Variants in TNNI3K observed in about 807,000 individuals in gnomAD.
The protein encoded by TNNI3K is TNNI3 interacting kinase, also known as serine/threonine-protein kinase TNNI3K.
Under a neutral mutation model 114.5 loss-of-function variants are expected in TNNI3K, and 140 were observed. That is an observed-to-expected ratio of 1.22 (90% CI 1.07 to 1.41). The LOEUF is 1.41. Ranked by LOEUF, TNNI3K falls within the 40% of genes most tolerant of loss-of-function variation. The probability of loss-of-function intolerance (pLI) is 0.00; values close to 1 mark genes in which losing one functional copy is unlikely to be tolerated. For synonymous variants in TNNI3K, 347 were observed against 347.5 expected (o/e 1.00, Z 0.02); for missense variants, 1,125 against 1,007.6 (o/e 1.12, Z -1.58).
intron 5 of TNNI3K, among the ~76,000 whole-genome samples, chr1:74,273,116 T>C (rs912109929): frequency 6.6e-6 from 1 of 151,950 alleles, no homozygotes; most frequent in Non-Finnish European, 1.5e-5. Flanking sequence ...TTGAAGCCTG[T>C]AAAACAGAGG....
intron 5 of TNNI3K, among the ~76,000 whole-genome samples, chr1:74,313,950 C>G (rs1659141776): frequency 1.3e-5 from 2 of 151,294 alleles, no homozygotes; most frequent in African/African-American, 2.4e-5. Flanking sequence ...ATTTTAACCT[C>G]TGATAAGACT....
At chr1:74,353,418 TG>T in intron 10 of TNNI3K, 58 bp downstream of exon 10, 2 of 1,592,852 alleles carry the variant, frequency 1.3e-6, no homozygotes, top group Admixed American at 3.4e-5. Flanking sequence ...TTAAGAATAA[TG>T]GTATGCAAAG....
At chr1:74,471,505 G>C (rs1667931532) in intron 21 of TNNI3K, 1 of 400,524 alleles carries the variant, frequency 2.5e-6, no homozygotes. Flanking sequence ...TTTGAGGTCA[G>C]ACTGAGGGGT....
chr1:74,286,086 C>T (rs1004565432), intron 5 of TNNI3K, among the ~76,000 whole-genome samples: 1 of 152,174 alleles, frequency 6.6e-6, no homozygotes, highest in Non-Finnish European at 1.5e-5. Context: ...AGCAAAGACA[C>T]ATTGAAGAGG....
chr1:74,493,159 G>A (rs1669162366), intron 23 of TNNI3K, among the ~76,000 whole-genome samples: 1 of 152,114 alleles, frequency 6.6e-6, no homozygotes, highest in Non-Finnish European at 1.5e-5. Flanking sequence ...ATAGCAATAG[G>A]TAAATCTATA....
At chr1:74,363,923 T>TG (rs1662112096) in intron 11 of TNNI3K, among the ~76,000 whole-genome samples, 1 of 788 alleles carries the variant, frequency 1.3e-3, no homozygotes. Flanking sequence ...AAATAAAAAA[T>TG]AAAAAAAAAC....
intron 21 of TNNI3K, among the ~76,000 whole-genome samples, chr1:74,482,597 C>T (rs1668562297): frequency 6.6e-6 from 1 of 152,176 alleles, no homozygotes; most frequent in Non-Finnish European, 1.5e-5. Flanking sequence ...TCCTCTTCCA[C>T]TCTGTCGTAA....
intron 23 of TNNI3K, among the ~76,000 whole-genome samples, chr1:74,497,445 T>G (rs1669385522): frequency 6.6e-6 from 1 of 152,088 alleles, no homozygotes; most frequent in African/African-American, 2.4e-5. Context: ...CTCACCACAA[T>G]CAGCAATTTC....
At chr1:74,385,002 C>A (rs1455638767) in intron 17 of TNNI3K, among the ~76,000 whole-genome samples, 1 of 152,050 alleles carries the variant, frequency 6.6e-6, no homozygotes, top group Non-Finnish European at 1.5e-5. Context: ...TTTAATTTAT[C>A]TAACCCATCC....
At chr1:74,353,197 G>A in intron 9 of TNNI3K, 69 bp from the exon 10 acceptor site, 2 of 1,528,824 alleles carry the variant, frequency 1.3e-6, no homozygotes, top group Non-Finnish European at 8.9e-7. Context: ...CGAGGTGTAG[G>A]GGAGAGGGCA....
intron 5 of TNNI3K, among the ~76,000 whole-genome samples, chr1:74,287,412 A>G (rs902136690): frequency 2.0e-5 from 3 of 152,194 alleles, no homozygotes; most frequent in Non-Finnish European, 4.4e-5. Context: ...GACACATCAT[A>G]ATTAAATTCT....
chr1:74,298,873 A>G (rs1446373081), intron 5 of TNNI3K, among the ~76,000 whole-genome samples: 1 of 152,136 alleles, frequency 6.6e-6, no homozygotes, highest in Non-Finnish European at 1.5e-5. Flanking sequence ...AAAAGCATCA[A>G]TGTATCTTCT....
chr1:74,436,032 T>G (rs1280054178), intron 17 of TNNI3K, 48 bp from the exon 18 acceptor site: 1 of 1,584,074 alleles, frequency 6.3e-7, no homozygotes, highest in South Asian at 1.2e-5. Flanking sequence ...GATTAGGACA[T>G]AGCAAAGCTT....
intron 17 of TNNI3K, among the ~76,000 whole-genome samples, chr1:74,408,686 G>A (rs929412642): frequency 1.3e-5 from 2 of 152,094 alleles, no homozygotes; most frequent in Non-Finnish European, 2.9e-5. Context: ...CAAGTCATAG[G>A]CCTAGAAAGT....
intron 20 of TNNI3K, among the ~76,000 whole-genome samples, chr1:74,442,037 C>T (rs1666394930): frequency 6.6e-6 from 1 of 151,914 alleles, no homozygotes; most frequent in Non-Finnish European, 1.5e-5. Flanking sequence ...TACTCAAAGC[C>T]ATAAAAACTT....
chr1:74,316,950 C>T (rs979182626), intron 5 of TNNI3K, among the ~76,000 whole-genome samples: 1 of 151,906 alleles, frequency 6.6e-6, no homozygotes, highest in Non-Finnish European at 1.5e-5. Flanking sequence ...CTGCCCACCT[C>T]GGACTCCCAA....
intron 21 of TNNI3K, chr1:74,483,365 C>A: frequency 1.4e-6 from 1 of 717,280 alleles, no homozygotes; most frequent in South Asian, 1.5e-5. Flanking sequence ...CAAAGAGTAC[C>A]AGCCATCCAC....
chr1:74,318,942 A>G (rs1220233608), intron 5 of TNNI3K, among the ~76,000 whole-genome samples: 1 of 152,238 alleles, frequency 6.6e-6, no homozygotes, highest in East Asian at 1.9e-4. Flanking sequence ...TTAAATAGTG[A>G]ATTGAGAGGC....
At position 74,276,915 on chromosome 1, in the gene TNNI3K, T is replaced by G. The variant is rs917813432; in HGVS notation, c.444+5207T>G. 2.6e-5 allele frequency among the ~76,000 whole-genome samples: 4 copies of G among 152,194 alleles called. No homozygotes were observed. In the East Asian group the frequency reaches 7.7e-4, roughly 29 times the overall value. On this transcript the variant is annotated intron_variant, in intron 5 of 24. Coordinates refer to ENST00000326637, the MANE Select transcript of TNNI3K (RefSeq NM_015978.3). ...ATTTGGGACTCAGATTTAAATTTAC[T>G]GTGCTTTGAAGAGTAGGCAAATATT...
Sources: gnomAD v4.1 joint callset for allele counts (sites outside exome capture counted in the v4.1 genomes callset) on GRCh38, gnomAD v4.1.1 for gene constraint, MANE v1.5 for transcripts, NCBI Gene and HGNC (gene_info 2026-07-23, HGNC 2026-07-21) for gene names.